The following UBE2E2 variants were observed in gnomAD, a reference collection of about 807,000 sequenced individuals.
The protein encoded by UBE2E2 is ubiquitin-conjugating enzyme E2 E2.
In UBE2E2, 6 loss-of-function variants were observed where a neutral mutation model predicts 24.7. That is an observed-to-expected ratio of 0.24 (90% CI 0.13 to 0.48). The LOEUF is 0.48. Ranked by LOEUF, UBE2E2 falls within the 20% of genes least tolerant of loss-of-function variation. UBE2E2 has a pLI of 0.99. For missense variants in UBE2E2, 169 were observed against 245.0 expected (o/e 0.69, Z 2.07); for synonymous variants, 104 against 83.6 (o/e 1.24, Z -1.33).
intron 5 of UBE2E2, among the ~76,000 whole-genome samples, chr3:23,575,723 C>T (rs1696332211): frequency 6.6e-6 from 1 of 152,102 alleles, no homozygotes; most frequent in Non-Finnish European, 1.5e-5. Context: ...ATTTACCAGA[C>T]ATTTAAAATG....
chr3:23,582,917 ACTCT>A (rs532593602), intron 5 of UBE2E2, among the ~76,000 whole-genome samples: 1 of 134,250 alleles, frequency 7.4e-6, no homozygotes, highest in Non-Finnish European at 1.6e-5. Flanking sequence ...TGCTGTGCAG[ACTCT>A]CTTTCATTTA....
chr3:23,532,093 T>C (rs1017433440), intron 4 of UBE2E2, among the ~76,000 whole-genome samples: 4 of 151,632 alleles, frequency 2.6e-5, no homozygotes, highest in African/African-American at 9.7e-5. Context: ...AAAACTGTTA[T>C]AGAATAATAT....
At chr3:23,557,042 A>G (rs1024073573) in intron 5 of UBE2E2, among the ~76,000 whole-genome samples, 1 of 152,228 alleles carries the variant, frequency 6.6e-6, no homozygotes, top group Non-Finnish European at 1.5e-5. Context: ...GGAAGACCTA[A>G]AACACTCCTA....
intron 3 of UBE2E2, among the ~76,000 whole-genome samples, chr3:23,276,534 G>C (rs1698378365): frequency 6.6e-6 from 1 of 152,010 alleles, no homozygotes. Context: ...GCTTTATAAT[G>C]CTTTCTACCT....
chr3:23,274,241 A>C (rs992666129), intron 3 of UBE2E2, among the ~76,000 whole-genome samples: 3 of 152,158 alleles, frequency 2.0e-5, no homozygotes, highest in African/African-American at 7.2e-5. Flanking sequence ...TATGAAACTC[A>C]TATTGTTGAA....
chr3:23,259,824 A>G (rs1697849343), intron 3 of UBE2E2, among the ~76,000 whole-genome samples: 1 of 152,186 alleles, frequency 6.6e-6, no homozygotes, highest in South Asian at 2.1e-4. Flanking sequence ...AACAAAAGTG[A>G]AATTCACCAG....
intron 1 of UBE2E2, among the ~76,000 whole-genome samples, chr3:23,205,956 T>C (rs187642174): frequency 6.6e-6 from 1 of 152,338 alleles, no homozygotes; most frequent in Non-Finnish European, 1.5e-5. Context: ...GAAGAATGTG[T>C]GGCTTTATAA....
chr3:23,539,638 G>T (rs1330724361), intron 5 of UBE2E2, among the ~76,000 whole-genome samples: 1 of 152,166 alleles, frequency 6.6e-6, no homozygotes, highest in Admixed American at 6.5e-5. Flanking sequence ...CATTTTTAAA[G>T]TAGGAAGGTA....
intron 3 of UBE2E2, among the ~76,000 whole-genome samples, chr3:23,467,054 A>G (rs1016022562): frequency 1.3e-5 from 2 of 152,216 alleles, no homozygotes; most frequent in African/African-American, 4.8e-5. Flanking sequence ...AAAACCCCAA[A>G]GCTGTTTCTC....
intron 5 of UBE2E2, among the ~76,000 whole-genome samples, chr3:23,578,640 G>A (rs1347330508): frequency 5.3e-5 from 8 of 152,138 alleles, no homozygotes; most frequent in African/African-American, 1.9e-4. Flanking sequence ...GACATGGATG[G>A]TGTTGGAAGC....
At chr3:23,578,624 T>G (rs557616810) in intron 5 of UBE2E2, among the ~76,000 whole-genome samples, 1 of 152,282 alleles carries the variant, frequency 6.6e-6, no homozygotes, top group Non-Finnish European at 1.5e-5. Context: ...TCATGTCCTT[T>G]GCATGGACAT....
intron 3 of UBE2E2, among the ~76,000 whole-genome samples, chr3:23,403,930 T>C (rs1697291596): frequency 6.6e-6 from 1 of 151,948 alleles, no homozygotes; most frequent in Admixed American, 6.6e-5. Flanking sequence ...AACGAAAAGG[T>C]GGACCATTGC....
At chr3:23,533,248 C>T (rs1001548404) in intron 5 of UBE2E2, among the ~76,000 whole-genome samples, 1 of 152,150 alleles carries the variant, frequency 6.6e-6, no homozygotes, top group Non-Finnish European at 1.5e-5. Context: ...TATAGCCAGG[C>T]CTTTATGGCT....
At chr3:23,519,037 A>C (rs1344227203) in intron 4 of UBE2E2, among the ~76,000 whole-genome samples, 1 of 152,220 alleles carries the variant, frequency 6.6e-6, no homozygotes, top group Admixed American at 6.5e-5. Flanking sequence ...CCTAAACTGC[A>C]GGATGAAAGA....
intron 3 of UBE2E2, among the ~76,000 whole-genome samples, chr3:23,296,771 G>A (rs1287021353): frequency 1.3e-5 from 2 of 152,144 alleles, no homozygotes; most frequent in Non-Finnish European, 2.9e-5. Flanking sequence ...ATAAACATAC[G>A]TATGCATGTG....
At chr3:23,492,024 T>G (rs973555514) in intron 3 of UBE2E2, among the ~76,000 whole-genome samples, 4 of 152,046 alleles carry the variant, frequency 2.6e-5, no homozygotes, top group African/African-American at 9.7e-5. Context: ...TGGTAGGTGA[T>G]TGTCAAAGGT....
chr3:23,340,817 G>T (rs1018083307), intron 3 of UBE2E2, among the ~76,000 whole-genome samples: 1 of 152,136 alleles, frequency 6.6e-6, no homozygotes, highest in African/African-American at 2.4e-5. Context: ...GTCATGTTAA[G>T]TAGGATCTTT....
At chr3:23,481,219 C>A (rs1699252578) in intron 3 of UBE2E2, among the ~76,000 whole-genome samples, 1 of 152,212 alleles carries the variant, frequency 6.6e-6, no homozygotes, top group Non-Finnish European at 1.5e-5. Flanking sequence ...ATAATATATT[C>A]TATTCTCAAC....
chr3:23,558,012 G>C lies in UBE2E2; in HGVS notation c.508+25311G>C, dbSNP rs11926217. Among the ~76,000 whole-genome samples, 1,094 of 152,090 alleles carry C rather than the reference G, an allele frequency of 7.2e-3. 6 individuals carry two copies. Among genetic ancestry groups the C allele is most frequent in the African/African-American group, 0.025 (1,018 of 41,474 alleles). Reference sequence around the variant, plus strand: ...CATGTCAACATGGCTGTCTTACTGCGTTTCTCATTGTTTTTCTCTAGAGTG... The same window carrying C: ...CATGTCAACATGGCTGTCTTACTGCCTTTCTCATTGTTTTTCTCTAGAGTG... On this transcript the variant is annotated intron_variant, in intron 5 of 5. Transcript: ENST00000396703.
Sources: allele counts gnomAD v4.1 joint callset (sites outside exome capture counted in the v4.1 genomes callset), GRCh38; gene constraint gnomAD v4.1.1; transcripts MANE v1.5; gene names NCBI Gene and HGNC (gene_info 2026-07-23, HGNC 2026-07-21).